L3MBTL1: variants seen among roughly 807,000 people sequenced by gnomAD.
The protein encoded by L3MBTL1 is L3MBTL histone methyl-lysine binding protein 1.
L3MBTL1 carries 75 observed loss-of-function variants against 105.3 expected under a neutral mutation model. The ratio of observed to expected loss-of-function variants is 0.71; its 90% CI spans 0.59 to 0.86. The LOEUF is 0.86. Ranked by LOEUF, L3MBTL1 falls within the 40% of genes least tolerant of loss-of-function variation. L3MBTL1 has a pLI of 0.00. For missense variants in L3MBTL1, 1,069 were observed against 1,126.4 expected (o/e 0.95, Z 0.73); for synonymous variants, 452 against 436.2 (o/e 1.04, Z -0.45).
At chr20:43,538,457 C>T (rs1301749899) in intron 19 of L3MBTL1, among the ~76,000 whole-genome samples, 1 of 152,238 alleles carries the variant, frequency 6.6e-6, no homozygotes, top group African/African-American at 2.4e-5. Context: ...CCCTGCTCTT[C>T]TAGCTGGCCT....
At chr20:43,514,924 G>A (rs2018295668) in intron 4 of L3MBTL1, 85 bp from the exon 5 acceptor site, 4 of 1,527,866 alleles carry the variant, frequency 2.6e-6, no homozygotes, top group Admixed American at 1.9e-5. Flanking sequence ...GGACCGAGGC[G>A]GAGGCAGGGC....
chr20:43,514,716 A>G lies in L3MBTL1; in HGVS notation c.442A>G (p.Thr148Ala), dbSNP rs1459890128. 4 of 1,580,306 alleles carry G rather than the reference A, an allele frequency of 2.5e-6. No homozygotes were observed. Among genetic ancestry groups the G allele is most frequent in the Non-Finnish European group, 3.4e-6 (4 of 1,163,420 alleles). ...CCCCGAGCTGCGGCAGGAAGGCGTG[A>G]CCGAATACGAAGATGGCGGGGCCCC... ...PSPELRQEGV[T>A]EYEDGGAPAG... Residue 148 changes from threonine (T) to alanine (A), a missense_variant, in exon 4 of 22, where the codon ACC (threonine) becomes GCC (alanine). Coordinates refer to ENST00000418998, the MANE Select transcript of L3MBTL1 (RefSeq NM_001377303.1).
downstream of L3MBTL1, among the ~76,000 whole-genome samples, chr20:43,545,682 T>C (rs2145505476): frequency 6.6e-6 from 1 of 152,248 alleles, no homozygotes; most frequent in Non-Finnish European, 1.5e-5. Flanking sequence ...ACTTGAGGGG[T>C]CATTTTAGAG....
Position 43,540,267 on chromosome 20 carries a change from G to A in L3MBTL1, c.2290G>A (p.Gly764Ser), listed in dbSNP as rs2019848304. The stretch of plus-strand genomic sequence containing the variant: ...CTGCAAGCTCCTGCCAGGAGTAGCG[G>A]GCATCTCAGCCTCGACAGTCGCCAA... ...QHCKLLPGVA[G>S]ISASTVAKWT... The change falls in exon 20 of 22, where the codon GGC becomes AGC. Residue 764 changes from glycine (G) to serine (S), a missense_variant. Physicochemically the swap from Gly to Ser is moderately conservative, Grantham distance 56. Transcript: ENST00000418998. 1.2e-6 allele frequency: 2 copies of A among 1,613,704 alleles called. No individual in the cohort carries two copies. The highest frequency in any genetic ancestry group is 2.7e-5 in the African/African-American group (2 of 74,906).
intron 1 of L3MBTL1, among the ~76,000 whole-genome samples, chr20:43,511,574 G>A (rs1444513220): frequency 6.6e-6 from 1 of 152,016 alleles, no homozygotes; most frequent in African/African-American, 2.4e-5. Context: ...CTGAGGTCAG[G>A]AGTTCCAGTC....
intron 20 of L3MBTL1, 103 bp downstream of exon 20, chr20:43,540,411 T>A: frequency 7.7e-7 from 1 of 1,294,452 alleles, no homozygotes; most frequent in East Asian, 2.4e-5. Flanking sequence ...GTACCACTCC[T>A]GGCACTACCT....
chr20:43,523,500 A>G (rs2145420781), intron 7 of L3MBTL1: 1 of 261,640 alleles, frequency 3.8e-6, no homozygotes, highest in East Asian at 9.9e-5. Context: ...TGATCCCTCC[A>G]GAGGCAACCA....
At position 43,541,820 on chromosome 20, in the gene L3MBTL1, A is replaced by C; in HGVS notation, c.*692A>C. ...TAATAGAGCAATATTATGGAGGAAT[A>C]TGTAGATCCAATCACTTTACCTATA... On this transcript the variant is annotated 3_prime_UTR_variant, in exon 22 of 22. Coordinates refer to ENST00000418998, the MANE Select transcript of L3MBTL1 (RefSeq NM_001377303.1). 1.0e-6 allele frequency: 1 copy of C among 984,566 alleles called. No homozygotes were observed. The highest frequency in any genetic ancestry group is 1.2e-6 in the Non-Finnish European group (1 of 829,108). 61.0% of individuals were successfully genotyped at this position (984,566 alleles called of 1,614,324 possible).
intron 7 of L3MBTL1, among the ~76,000 whole-genome samples, chr20:43,520,840 C>T (rs6017098): frequency 0.5 from 75,434 of 152,072 alleles, 19,249 homozygotes; most frequent in African/African-American, 0.62. Flanking sequence ...CATGGATCAG[C>T]ATGCTACTTA....
chr20:43,548,727 T>C (rs1352963884), exon 19 of L3MBTL1: 2 of 152,546 alleles, frequency 1.3e-5, no homozygotes, highest in Non-Finnish European at 2.9e-5. Flanking sequence ...ACCTCCTCTC[T>C]TTCTGTCTGC....
Position 43,530,417 on chromosome 20 carries a change from A to G in L3MBTL1, c.1190A>G (p.Lys397Arg). The change falls in exon 10 of 22, where the codon AAA becomes AGA. Residue 397 changes from lysine to arginine, a missense_variant and splice_region_variant. By Grantham distance (26) the Lys-to-Arg change is conservative (BLOSUM62 2). Transcript: ENST00000418998. Reference protein sequence around the residue: ...EKTGHKLQPPKGYKEEEFSWS... With the variant: ...EKTGHKLQPPRGYKEEEFSWS... The stretch of plus-strand genomic sequence containing the variant: ...ACGGGCCACAAGCTGCAGCCTCCCA[A>G]AGGTAAGGCCTAGCTGGGTTGGTCA... 6.2e-7 allele frequency: 1 copy of G among 1,613,954 alleles called. No individual in the cohort carries two copies. Among genetic ancestry groups the G allele is most frequent in the African/African-American group, 1.3e-5 (1 of 75,024 alleles).
chr20:43,520,071 T>TCTTTAGGGGGAA (rs1182887337), intron 7 of L3MBTL1, among the ~76,000 whole-genome samples: 1 of 152,184 alleles, frequency 6.6e-6, no homozygotes, highest in African/African-American at 2.4e-5. Context: ...TATATATCTA[T>TCTTTAGGGGGAA]TAGCCATCAT....
chr20:43,513,452 C>A (rs1451064587), intron 1 of L3MBTL1, 24 bp from the exon 2 acceptor site: 1 of 1,541,390 alleles, frequency 6.5e-7, no homozygotes, highest in African/African-American at 1.4e-5. Flanking sequence ...CCTGATCACC[C>A]TGGGGGCTAT....
At chr20:43,520,154 G>A (rs2018634123) in intron 7 of L3MBTL1, among the ~76,000 whole-genome samples, 1 of 152,046 alleles carries the variant, frequency 6.6e-6, no homozygotes. Flanking sequence ...CATATAAATG[G>A]AATTATATAT....
chr20:43,529,327 C>T lies in L3MBTL1; in HGVS notation c.1015C>T (p.Pro339Ser). The change falls in exon 9 of 22, where the codon CCT becomes TCT. Residue 339 changes from proline (P) to serine (S), a missense_variant. By Grantham distance (74) the Pro-to-Ser change is moderately conservative. Transcript: ENST00000418998. ...KLGMKLEGIDPQHPSMYFILT... is the reference protein window; with the variant it reads ...KLGMKLEGIDSQHPSMYFILT... ...GGGCATGAAGTTGGAAGGCATTGAC[C>T]CTCAACACCCGTCCATGTACTTCAT... 2 of 1,613,232 alleles carry T rather than the reference C, an allele frequency of 1.2e-6. No individual in the cohort carries two copies. The highest frequency in any genetic ancestry group is 1.7e-6 in the Non-Finnish European group (2 of 1,179,716).
rs200165694 is a variant in L3MBTL1 at position 43,515,188 on chromosome 20, G to C, written c.653+29G>C. 6.2e-6 allele frequency: 10 copies of C among 1,614,078 alleles called. No individual in the cohort carries two copies. The South Asian group carries it at 9.9e-5, about 16-fold the overall frequency. On this transcript the variant is annotated intron_variant, in intron 5 of 21. Transcript: ENST00000418998. ...AGGGGAGGAGGTCGCAGCCCTACTT[G>C]CTCTACCTTCAGCCCCCAAAGCCTC...
At chr20:43,538,566 C>T (rs899473981) in intron 19 of L3MBTL1, among the ~76,000 whole-genome samples, 1 of 152,104 alleles carries the variant, frequency 6.6e-6, no homozygotes, top group Non-Finnish European at 1.5e-5. Flanking sequence ...CTGAGGTTTG[C>T]TGGTGAACAA....
chr20:43,530,900 CT>C lies in L3MBTL1; in HGVS notation c.1284+12del. 1 of 1,609,856 alleles carries C rather than the reference CT, an allele frequency of 6.2e-7. No homozygotes were observed. The highest frequency in any genetic ancestry group is 8.5e-7 in the Non-Finnish European group (1 of 1,177,522). On this transcript the variant is annotated intron_variant, in intron 11 of 21. Coordinates refer to ENST00000418998, the MANE Select transcript of L3MBTL1 (RefSeq NM_001377303.1). ...GTGAGCCAGAGCCACGTGAGTGCCC[CT>C]GAGTGAGAGTGGATGTCACTCCCAT...
intron 12 of L3MBTL1, 98 bp downstream of exon 12, chr20:43,533,022 T>TCACA: frequency 8.3e-7 from 1 of 1,200,374 alleles, no homozygotes. Context: ...CTCAGTCCAG[T>TCACA]TCTGACATTC....
Sources: allele counts gnomAD v4.1 joint callset (sites outside exome capture counted in the v4.1 genomes callset), GRCh38; gene constraint gnomAD v4.1.1; transcripts MANE v1.5; gene names NCBI Gene and HGNC (gene_info 2026-07-23, HGNC 2026-07-21).